The following CD86 variants were observed in gnomAD, a reference collection of about 807,000 sequenced individuals.
CD86 encodes the protein T-lymphocyte activation antigen CD86.
In CD86, 11 loss-of-function variants were observed where a neutral mutation model predicts 32.1. The ratio of observed to expected loss-of-function variants is 0.34; its 90% confidence interval spans 0.22 to 0.57. The LOEUF (loss-of-function observed/expected upper bound fraction) is 0.57, where lower values mean the gene tolerates loss of function less well. Ranked by LOEUF, CD86 falls within the 20% of genes least tolerant of loss-of-function variation. CD86 has a pLI of 0.86. For missense variants in CD86, 359 were observed against 398.4 expected, an observed-to-expected ratio of 0.90 and a Z score of 0.84; for synonymous variants, 137 against 135.3, an observed-to-expected ratio of 1.01 and a Z score of -0.09.
intron 1 of CD86, among the ~76,000 whole-genome samples, chr3:122,073,404 T>C (rs980808985): frequency 6.6e-5 from 10 of 152,118 alleles, no homozygotes; most frequent in African/African-American, 2.4e-4. Context: ...GTTCATTGTG[T>C]ATTTTGGATA....
intron 2 of CD86, among the ~76,000 whole-genome samples, chr3:122,097,875 C>A (rs911718476): frequency 6.6e-6 from 1 of 152,066 alleles, no homozygotes; most frequent in African/African-American, 2.4e-5. Context: ...AGCAGAGGTG[C>A]CTGAAGACCT....
chr3:122,069,622 C>G lies in CD86; in HGVS notation c.14+14119C>G, dbSNP rs1209249574. On this transcript the variant is annotated intron_variant, in intron 1 of 6. Transcript: ENST00000330540. Reference sequence around the variant, plus strand: ...GTGAGTTGTGAGCCCATCAGTTTCCCACACTACAGTCCTTCTCTGGCTTAG... The same window carrying G: ...GTGAGTTGTGAGCCCATCAGTTTCCGACACTACAGTCCTTCTCTGGCTTAG... Among the ~76,000 whole-genome samples, 229 of 152,294 alleles carry G rather than the reference C, an allele frequency of 1.5e-3. 1 individual carries two copies. The highest frequency in any genetic ancestry group is 5.1e-3 in the African/African-American group (214 of 41,562).
At chr3:122,102,603 T>C (rs1301827805) in intron 2 of CD86, among the ~76,000 whole-genome samples, 1 of 152,054 alleles carries the variant, frequency 6.6e-6, no homozygotes, top group Non-Finnish European at 1.5e-5. Flanking sequence ...GTTGTAAAAT[T>C]GTCCAGGGTC....
chr3:122,082,766 C>T (rs533638973), intron 1 of CD86, among the ~76,000 whole-genome samples: 28 of 152,300 alleles, frequency 1.8e-4, no homozygotes, highest in African/African-American at 6.0e-4. Context: ...TCTTTTCAGG[C>T]TTTATGAATG....
intron 1 of CD86, among the ~76,000 whole-genome samples, chr3:122,081,958 T>G (rs1211939601): frequency 6.6e-6 from 1 of 152,206 alleles, no homozygotes; most frequent in East Asian, 1.9e-4. Context: ...TGTACCATAT[T>G]GTCTACTGTG....
intron 1 of CD86, among the ~76,000 whole-genome samples, chr3:122,069,587 T>C (rs2072461574): frequency 1.3e-5 from 2 of 152,164 alleles, no homozygotes; most frequent in South Asian, 4.1e-4. Context: ...TTAGTGTCCA[T>C]GTCCATGGGG....
At chr3:122,114,040 CAGG>C (rs1178403256) in intron 5 of CD86, among the ~76,000 whole-genome samples, 1 of 152,124 alleles carries the variant, frequency 6.6e-6, no homozygotes, top group Non-Finnish European at 1.5e-5. Flanking sequence ...CACCTTAGAT[CAGG>C]AGTTCGAGAC....
intron 6 of CD86, among the ~76,000 whole-genome samples, chr3:122,118,778 A>G (rs1576791059): frequency 6.6e-6 from 1 of 152,362 alleles, no homozygotes; most frequent in East Asian, 1.9e-4. Flanking sequence ...AGCACTTAGC[A>G]TGGTGCCTGG....
chr3:122,077,826 G>A lies in CD86; in HGVS notation c.15-13775G>A, dbSNP rs920900841. ...AAGCAAGAGCACTGTCCCTGGCTGT[G>A]GTGTTGTTTCTCTAGTCAGTTCCCC... On this transcript the variant is annotated intron_variant, in intron 1 of 6. Coordinates refer to ENST00000330540, the MANE Select transcript of CD86 (RefSeq NM_175862.5). 10 of 985,378 alleles carry A rather than the reference G, an allele frequency of 1.0e-5. No homozygotes were observed. The African/African-American group carries it at 1.7e-4, about 17-fold the overall frequency. 61.0% of individuals were successfully genotyped at this position (985,378 alleles called of 1,614,324 possible).
chr3:122,094,599 G>A (rs2072877675), intron 2 of CD86, among the ~76,000 whole-genome samples: 1 of 152,210 alleles, frequency 6.6e-6, no homozygotes, highest in African/African-American at 2.4e-5. Context: ...CCTAGCCACA[G>A]GGCCGGCTTC....
At chr3:122,065,405 C>T (rs2072399334) in intron 1 of CD86, among the ~76,000 whole-genome samples, 1 of 152,160 alleles carries the variant, frequency 6.6e-6, no homozygotes, top group East Asian at 1.9e-4. Flanking sequence ...CAAAACAAAA[C>T]AAAAACCTTA....
In CD86 at chr3:122,119,511, G is replaced by A. The variant is rs9282648; in HGVS notation, c.967G>A (p.Asp323Asn). 1.9e-3 allele frequency: 3,051 copies of A among 1,601,248 alleles called. 40 individuals are homozygous for A. The African/African-American group carries it at 0.03, about 16-fold the overall frequency. ...TAAAAGTTCGAAGACATCTTCATGC[G>A]ACAAAAGTGATACATGTTTTTAATT... ...VFKSSKTSSC[D>N]KSDTCF The change falls in exon 7 of 7, where the codon GAC (aspartate) becomes AAC (asparagine). Residue 323 changes from aspartate to asparagine, a missense_variant. Asp to Asn is a conservative substitution (Grantham distance 23). Transcript: ENST00000330540.
At position 122,057,472 on chromosome 3, in the gene CD86, C is replaced by T. The variant is rs553790816; in HGVS notation, c.14+1969C>T. Among the ~76,000 whole-genome samples the T allele has an allele frequency of 3.9e-5, 6 of 152,202 alleles. No individual in the cohort carries two copies. In the East Asian group the frequency reaches 1.2e-3, roughly 29 times the overall value. ...TTAGTTAAAGGGGAAAAATGCAGAA[C>T]GAACAGTGCTATCACTTTTATACAT... On this transcript the variant is annotated intron_variant, in intron 1 of 6. Coordinates refer to ENST00000330540, the MANE Select transcript of CD86 (RefSeq NM_175862.5).
intron 1 of CD86, among the ~76,000 whole-genome samples, chr3:122,074,755 G>A (rs1270647682): frequency 1.3e-5 from 2 of 152,220 alleles, no homozygotes; most frequent in East Asian, 3.8e-4. Flanking sequence ...GCTACTGTGT[G>A]TAGCCTGTCC....
At chr3:122,099,690 C>T (rs577787339) in intron 2 of CD86, among the ~76,000 whole-genome samples, 1 of 152,260 alleles carries the variant, frequency 6.6e-6, no homozygotes, top group African/African-American at 2.4e-5. Flanking sequence ...ACTATTGTTG[C>T]ATTGTCCAAT....
rs576843532 is a variant in CD86, at chr3:122,118,058, A to G, written c.858A>G (p.Thr286=). ...CTTGGTGTCTTTCAGGAACCAACAC[A>G]ATGGAGAGGGAAGAGAGTGAACAGA... is the stretch of plus-strand genomic sequence containing the variant. ...PRNSYKCGTN[T]MEREESEQTK... The change falls in exon 6 of 7, where the codon ACA becomes ACG. Residue 286 remains threonine, a synonymous_variant. Coordinates refer to ENST00000330540, the MANE Select transcript of CD86 (RefSeq NM_175862.5). The G allele has an allele frequency of 1.2e-6, 2 of 1,613,386 alleles. No homozygotes were observed. Among genetic ancestry groups the G allele is most frequent in the South Asian group, 2.2e-5 (2 of 91,020 alleles).
chr3:122,063,715 C>A (rs2072371632), intron 1 of CD86, among the ~76,000 whole-genome samples: 1 of 151,886 alleles, frequency 6.6e-6, no homozygotes. Context: ...GCCACCACAC[C>A]CAGCTAATTT....
intron 1 of CD86, among the ~76,000 whole-genome samples, chr3:122,083,910 C>T (rs754503292): frequency 5.3e-5 from 8 of 152,122 alleles, no homozygotes; most frequent in Non-Finnish European, 1.0e-4. Flanking sequence ...ATTAATGTCA[C>T]CTATTTCTTT....
intron 1 of CD86, among the ~76,000 whole-genome samples, chr3:122,068,522 T>C (rs1389457736): frequency 6.6e-6 from 1 of 152,236 alleles, no homozygotes; most frequent in Non-Finnish European, 1.5e-5. Context: ...ATAGGCCACT[T>C]AAATTCAGAA....
Sources: gnomAD v4.1 joint callset for allele counts (sites outside exome capture counted in the v4.1 genomes callset) on GRCh38, gnomAD v4.1.1 for gene constraint, MANE v1.5 for transcripts, NCBI Gene and HGNC (gene_info 2026-07-23, HGNC 2026-07-21) for gene names.